Variants in FAAH2 observed in about 807,000 individuals in gnomAD.
The protein encoded by FAAH2 is fatty-acid amide hydrolase 2.
A neutral mutation model predicts 36.9 loss-of-function variants in FAAH2; 60 were observed. That is an observed-to-expected ratio of 1.63 (90% CI 1.32 to 2.02). The LOEUF (loss-of-function observed/expected upper bound fraction) is 2.02. FAAH2 is among the 30% of genes most tolerant of loss of function. The pLI, the probability that FAAH2 is intolerant of heterozygous loss-of-function variation, is 0.00. For synonymous variants in FAAH2, 214 were observed against 143.8 expected (o/e 1.49, Z -3.49); for missense variants, 689 against 397.5 (o/e 1.73, Z -6.23).
chrX:57,234,959 A>C, the FAAH2 span, among the ~76,000 whole-genome samples: 1 of 111,297 alleles, frequency 9.0e-6, no homozygotes, highest in Non-Finnish European at 1.9e-5. Context: ...AATTGCTTGA[A>C]CTTTAAAGGC....
chrX:57,222,493 G>A, the FAAH2 span, among the ~76,000 whole-genome samples: 1 of 111,825 alleles, frequency 8.9e-6, no homozygotes, highest in African/African-American at 3.3e-5. Context: ...TTCTCCGATG[G>A]CCTGCCTGCC....
the FAAH2 span, among the ~76,000 whole-genome samples, chrX:57,141,698 G>A: frequency 9.0e-6 from 1 of 111,030 alleles, no homozygotes; most frequent in African/African-American, 3.3e-5. Flanking sequence ...ATTTCTTCTA[G>A]GTTTTTAAAT....
At chrX:57,469,510 A>G (rs1315812494) in intron 10 of FAAH2, among the ~76,000 whole-genome samples, 1 of 112,179 alleles carries the variant, frequency 8.9e-6, no homozygotes, top group African/African-American at 3.2e-5. Flanking sequence ...GAAGGCCATT[A>G]CATAATAAAA....
At chrX:57,393,704 T>C (rs1241502615) in intron 7 of FAAH2, 16 of 1,015,017 alleles carry the variant, frequency 1.6e-5, no homozygotes, top group Middle Eastern at 2.6e-4. Flanking sequence ...CTCTCTCCTG[T>C]CTTCTAGAGA....
At chrX:57,328,921 C>T (rs371674965) in intron 3 of FAAH2, among the ~76,000 whole-genome samples, 2 of 111,395 alleles carry the variant, frequency 1.8e-5, no homozygotes, top group South Asian at 3.8e-4. Context: ...AGGTTAGGAA[C>T]CTTCTGGGAG....
chrX:57,359,782 T>C (rs1013124215), intron 5 of FAAH2, among the ~76,000 whole-genome samples: 3 of 111,398 alleles, frequency 2.7e-5, no homozygotes, highest in African/African-American at 9.7e-5. Context: ...AGATCTTTGT[T>C]ATTTATGGTT....
chrX:57,161,677 T>G, the FAAH2 span, among the ~76,000 whole-genome samples: 8 of 111,571 alleles, frequency 7.2e-5, no homozygotes, highest in African/African-American at 2.6e-4. Context: ...AAACTAGGAT[T>G]GCAACCCCTG....
intron 4 of FAAH2, among the ~76,000 whole-genome samples, chrX:57,337,539 A>G (rs976959617): frequency 8.9e-6 from 1 of 112,218 alleles, no homozygotes; most frequent in Non-Finnish European, 1.9e-5. Flanking sequence ...TTAGCAGCAC[A>G]TCAAATAGCT....
the FAAH2 span, among the ~76,000 whole-genome samples, chrX:57,184,466 G>T: frequency 1.8e-5 from 2 of 112,069 alleles, no homozygotes; most frequent in African/African-American, 6.5e-5. Flanking sequence ...TTATTTCTCA[G>T]CCAGCCGACA....
the FAAH2 span, among the ~76,000 whole-genome samples, chrX:57,257,128 G>A: frequency 1.8e-5 from 2 of 112,455 alleles, no homozygotes; most frequent in East Asian, 2.8e-4. Flanking sequence ...GTGGAAGACA[G>A]TGTGGTGTTT....
At chrX:57,437,200 A>G (rs1369113287) in intron 8 of FAAH2, among the ~76,000 whole-genome samples, 1 of 111,391 alleles carries the variant, frequency 9.0e-6, no homozygotes, top group Non-Finnish European at 1.9e-5. Flanking sequence ...AAACAGTCTC[A>G]ACAATCTAGG....
At chrX:57,458,701 G>C (rs2056905574) in intron 10 of FAAH2, among the ~76,000 whole-genome samples, 1 of 111,597 alleles carries the variant, frequency 9.0e-6, no homozygotes, top group African/African-American at 3.3e-5. Context: ...AAGCAGTGTT[G>C]GGCATTGCCT....
At chrX:57,294,553 CTCT>C (rs1367726163) in intron 2 of FAAH2, among the ~76,000 whole-genome samples, 1 of 112,058 alleles carries the variant, frequency 8.9e-6, no homozygotes, top group Non-Finnish European at 1.9e-5. Context: ...GTTTTACTGG[CTCT>C]TCTTCTTTAT....
the FAAH2 span, among the ~76,000 whole-genome samples, chrX:57,236,141 T>C: frequency 1.8e-5 from 2 of 112,223 alleles, no homozygotes; most frequent in African/African-American, 6.5e-5. Flanking sequence ...TTGTGTCCTT[T>C]AGGTTGATCC....
chrX:57,440,424 A>T (rs755209461), intron 8 of FAAH2, among the ~76,000 whole-genome samples: 9 of 111,100 alleles, frequency 8.1e-5, no homozygotes, highest in Non-Finnish European at 1.5e-4. Context: ...GTGTATAGGA[A>T]TGCTTGTGAT....
the FAAH2 span, among the ~76,000 whole-genome samples, chrX:57,199,736 T>C: frequency 9.0e-6 from 1 of 111,665 alleles, no homozygotes; most frequent in Admixed American, 9.5e-5. Context: ...GTAATAATAA[T>C]ATTAGTTTTT....
chrX:57,327,449 C>G (rs1024555798), intron 3 of FAAH2, among the ~76,000 whole-genome samples: 5 of 109,609 alleles, frequency 4.6e-5, no homozygotes, highest in African/African-American at 1.7e-4. Flanking sequence ...CAACTTGGTT[C>G]CATTCTCCCC....
chrX:57,289,171 T>A, intron 1 of FAAH2, among the ~76,000 whole-genome samples: 1 of 112,041 alleles, frequency 8.9e-6, no homozygotes, highest in Admixed American at 9.5e-5. Context: ...TAATAGCTTG[T>A]CCAATGCCAC....
chrX:57,400,789 T>A (rs1298837847), intron 7 of FAAH2, among the ~76,000 whole-genome samples: 1 of 112,142 alleles, frequency 8.9e-6, no homozygotes, highest in East Asian at 2.8e-4. Context: ...AGCCTTTGGT[T>A]TGGAAACCTT....
Sources: allele counts gnomAD v4.1 joint callset (sites outside exome capture counted in the v4.1 genomes callset), GRCh38; gene constraint gnomAD v4.1.1; transcripts MANE v1.5; gene names NCBI Gene and HGNC (gene_info 2026-07-23, HGNC 2026-07-21).